The following ARMH3 variants were observed in gnomAD, a reference collection of about 807,000 sequenced individuals.
ARMH3 encodes armadillo like helical domain containing 3.
ARMH3 carries 60 observed loss-of-function variants against 99.1 expected under a neutral mutation model. The ratio of observed to expected loss-of-function variants is 0.61; its 90% CI spans 0.49 to 0.75. The LOEUF (loss-of-function observed/expected upper bound fraction) is 0.75, where lower values mean the gene tolerates loss of function less well. Ranked by LOEUF, ARMH3 falls within the 30% of genes least tolerant of loss-of-function variation. The probability of loss-of-function intolerance (pLI) is 0.00; values close to 1 mark genes in which losing one functional copy is unlikely to be tolerated. For synonymous variants in ARMH3, 285 were observed against 292.8 expected (o/e 0.97, Z 0.27); for missense variants, 679 against 843.1 (o/e 0.81, Z 2.41).
chr10:101,959,271 A>T (rs1845176010), intron 20 of ARMH3, among the ~76,000 whole-genome samples: 1 of 152,172 alleles, frequency 6.6e-6, no homozygotes, highest in African/African-American at 2.4e-5. Context: ...GACTAACCCA[A>T]ACTTCCCTCC....
intron 24 of ARMH3, among the ~76,000 whole-genome samples, chr10:101,863,143 C>T (rs537898182): frequency 6.6e-6 from 1 of 152,226 alleles, no homozygotes; most frequent in South Asian, 2.1e-4. Context: ...GCGGAGGTTG[C>T]GGTGAGCCAA....
intron 23 of ARMH3, among the ~76,000 whole-genome samples, chr10:101,932,170 T>C (rs1031017828): frequency 6.6e-6 from 1 of 152,188 alleles, no homozygotes; most frequent in Non-Finnish European, 1.5e-5. Context: ...ACATCACTAG[T>C]TATTTAAAAA....
chr10:101,973,373 A>AG (rs1845855832), intron 20 of ARMH3, among the ~76,000 whole-genome samples: 1 of 151,950 alleles, frequency 6.6e-6, no homozygotes, highest in South Asian at 2.1e-4. Context: ...AAAAAAAAAA[A>AG]AAAAAGAAAA....
chr10:101,916,480 A>C (rs1475201070), intron 23 of ARMH3, among the ~76,000 whole-genome samples: 1 of 152,228 alleles, frequency 6.6e-6, no homozygotes, highest in Non-Finnish European at 1.5e-5. Context: ...AATTATTTTC[A>C]AAAGGTTGCC....
intron 19 of ARMH3, among the ~76,000 whole-genome samples, chr10:101,990,223 G>A (rs909491260): frequency 1.5e-5 from 2 of 134,754 alleles, no homozygotes; most frequent in African/African-American, 5.7e-5. Context: ...TCGCTCTGTC[G>A]CCCAGGCTGG....
At chr10:102,042,813 C>G (rs540289860) in intron 1 of ARMH3, among the ~76,000 whole-genome samples, 1 of 152,374 alleles carries the variant, frequency 6.6e-6, no homozygotes, top group Admixed American at 6.5e-5. Context: ...TGGCTCACGC[C>G]TGTAATCGCA....
intron 24 of ARMH3, among the ~76,000 whole-genome samples, chr10:101,873,790 C>T (rs1259359910): frequency 6.6e-6 from 1 of 152,102 alleles, no homozygotes; most frequent in Admixed American, 6.6e-5. Context: ...TGAGAGTGAT[C>T]CATGTTGTAA....
At chr10:101,855,645 A>G (rs2066720601) in intron 24 of ARMH3, among the ~76,000 whole-genome samples, 1 of 150,570 alleles carries the variant, frequency 6.6e-6, no homozygotes, top group Admixed American at 6.6e-5. Context: ...TTCTGGTCTC[A>G]AGTGATTCTT....
At chr10:101,852,810 T>C (rs1564689363) in intron 24 of ARMH3, among the ~76,000 whole-genome samples, 1 of 150,958 alleles carries the variant, frequency 6.6e-6, no homozygotes. Context: ...TGGCTGGACT[T>C]ATAGTGCCCA....
chr10:101,990,014 C>G (rs926521061), intron 19 of ARMH3, among the ~76,000 whole-genome samples: 4 of 152,174 alleles, frequency 2.6e-5, no homozygotes, highest in Non-Finnish European at 5.9e-5. Context: ...CCTCTTCATG[C>G]AGTGTGCCTA....
chr10:102,024,243 G>A (rs947206961), intron 6 of ARMH3, among the ~76,000 whole-genome samples: 8 of 152,140 alleles, frequency 5.3e-5, no homozygotes, highest in Admixed American at 1.3e-4. Flanking sequence ...AAGGTCAGGA[G>A]TTCAAGACCA....
chr10:101,986,845 T>G (rs191948694), intron 19 of ARMH3, among the ~76,000 whole-genome samples: 1 of 152,246 alleles, frequency 6.6e-6, no homozygotes, highest in East Asian at 1.9e-4. Flanking sequence ...GAAAGTGAAT[T>G]CAGCCTGAGG....
chr10:102,005,166 C>T (rs957692229), intron 14 of ARMH3, among the ~76,000 whole-genome samples: 1 of 151,956 alleles, frequency 6.6e-6, no homozygotes, highest in African/African-American at 2.4e-5. Context: ...CCCTGCACTC[C>T]AGCCTAGGCA....
rs193100883 is a variant in ARMH3, at chr10:102,023,442, G to A, written c.669+35C>T. 12 of 1,564,778 alleles carry A rather than the reference G, an allele frequency of 7.7e-6. No individual in the cohort carries two copies. The African/African-American group carries it at 1.6e-4, about 21-fold the overall frequency. ...GGGGCCGCATTTAAGAAGATTATAGGCAGATAACAACTGTCCACTAAGGAG... is the reference window on the plus strand; with the variant it reads ...GGGGCCGCATTTAAGAAGATTATAGACAGATAACAACTGTCCACTAAGGAG... On this transcript the variant is annotated intron_variant, in intron 8 of 25. Coordinates refer to ENST00000370033, the MANE Select transcript of ARMH3 (RefSeq NM_024541.3).
chr10:101,888,691 T>C (rs1357782639), intron 24 of ARMH3, among the ~76,000 whole-genome samples: 1 of 152,212 alleles, frequency 6.6e-6, no homozygotes, highest in Non-Finnish European at 1.5e-5. Flanking sequence ...GGGAGTAGGA[T>C]GAAAAGGAAA....
chr10:101,884,117 T>C (rs2067484806), intron 24 of ARMH3, among the ~76,000 whole-genome samples: 1 of 152,064 alleles, frequency 6.6e-6, no homozygotes, highest in Middle Eastern at 3.2e-3. Context: ...TGTGCTCAGG[T>C]TGCATTATTT....
intron 22 of ARMH3, among the ~76,000 whole-genome samples, chr10:101,953,523 G>A (rs886617486): frequency 2.7e-5 from 4 of 147,690 alleles, no homozygotes; most frequent in Non-Finnish European, 3.0e-5. Flanking sequence ...GATTACAAAC[G>A]TCAGCCACCG....
chr10:102,023,649 A>G (rs1295614350), intron 7 of ARMH3, 26 bp downstream of exon 7: 1 of 1,611,114 alleles, frequency 6.2e-7, no homozygotes, highest in Non-Finnish European at 8.5e-7. Context: ...GTTTACCCCA[A>G]AGAGAGGAGG....
intron 19 of ARMH3, 63 bp downstream of exon 19, chr10:101,990,488 T>C (rs1237941200): frequency 1.0e-5 from 14 of 1,344,990 alleles, no homozygotes; most frequent in Non-Finnish European, 1.5e-5. Flanking sequence ...ACCATGAATT[T>C]TCTAACATTC....
Sources: gnomAD v4.1 joint callset for allele counts (sites outside exome capture counted in the v4.1 genomes callset) on GRCh38, gnomAD v4.1.1 for gene constraint, MANE v1.5 for transcripts, NCBI Gene and HGNC (gene_info 2026-07-23, HGNC 2026-07-21) for gene names.